ANKRD36: variants seen among roughly 807,000 people sequenced by gnomAD.
ANKRD36 encodes ankyrin repeat domain-containing protein 36A.
Under a neutral mutation model 278.1 loss-of-function variants are expected in ANKRD36, and 179 were observed. That is an observed-to-expected ratio of 0.64 (90% CI 0.57 to 0.73). The LOEUF is 0.73. ANKRD36 is among the 30% of genes least tolerant of loss of function. The probability of loss-of-function intolerance (pLI) is 0.00; values close to 1 mark genes in which losing one functional copy is unlikely to be tolerated. For missense variants in ANKRD36, 1,159 were observed against 1,956.7 expected (o/e 0.59, Z 7.69); for synonymous variants, 320 against 641.1 (o/e 0.50, Z 7.57).
At chr2:97,202,473 G>A in intron 48 of ANKRD36, 80 bp downstream of exon 48, 3 of 1,523,074 alleles carry the variant, frequency 2.0e-6, no homozygotes, top group Non-Finnish European at 2.6e-6. Flanking sequence ...TCAGCGGGGG[G>A]CTCGTCGAAG....
At chr2:97,232,257 A>T (rs1331526751) in intron 67 of ANKRD36, among the ~76,000 whole-genome samples, 8 of 149,114 alleles carry the variant, frequency 5.4e-5, no homozygotes, top group Non-Finnish European at 1.2e-4. Flanking sequence ...AAACTAGCAA[A>T]TTTATCTTCC....
At position 97,207,747 on chromosome 2, in the gene ANKRD36, TGAATGTATG is replaced by T. The variant is rs2063266541; in HGVS notation, c.3164-61_3164-53del. ...GACAGAGGTTGATGCTAACACTGTA[TGAATGTATG>T]GATAATTTTGTCATTTTTACACATG... On this transcript the variant is annotated intron_variant, in intron 52 of 75. Transcript: ENST00000420699. The T allele has an allele frequency of 7.2e-6, 11 of 1,536,138 alleles. 1 individual carries two copies. In the East Asian group the frequency reaches 2.7e-4, roughly 38 times the overall value.
At chr2:97,124,425 C>T (rs200315621) in intron 4 of ANKRD36, 35 bp from the exon 5 acceptor site, 2 of 1,534,018 alleles carry the variant, frequency 1.3e-6, no homozygotes, top group Non-Finnish European at 1.8e-6. Flanking sequence ...TTTAAAATGT[C>T]ATTAAAGTTT....
intron 28 of ANKRD36, among the ~76,000 whole-genome samples, 154 bp downstream of exon 28, chr2:97,183,808 A>G (rs1454166845): frequency 6.6e-6 from 1 of 151,706 alleles, no homozygotes; most frequent in Non-Finnish European, 1.5e-5. Flanking sequence ...GGTGGTGCTG[A>G]TGCTGCTGGT....
chr2:97,186,432 T>C (rs1281164010), intron 30 of ANKRD36, among the ~76,000 whole-genome samples: 1 of 150,640 alleles, frequency 6.6e-6, no homozygotes, highest in Non-Finnish European at 1.5e-5. Flanking sequence ...ATATAAAAGC[T>C]TATTAATATC....
chr2:97,212,911 T>C (rs2065048249), intron 58 of ANKRD36: 1 of 245,100 alleles, frequency 4.1e-6, no homozygotes, highest in Non-Finnish European at 7.7e-6. Flanking sequence ...TTAGGACACT[T>C]CCACTGAAGA....
chr2:97,163,522 A>T (rs1199908906), intron 18 of ANKRD36: 1 of 286,330 alleles, frequency 3.5e-6, no homozygotes, highest in Non-Finnish European at 6.8e-6. Flanking sequence ...CTCCAAGTAG[A>T]TATCTAAAGT....
chr2:97,113,731 C>T lies in ANKRD36; in HGVS notation c.-9C>T. 2 of 1,611,360 alleles carry T rather than the reference C, an allele frequency of 1.2e-6. No individual in the cohort carries two copies. The highest frequency in any genetic ancestry group is 1.7e-6 in the Non-Finnish European group (2 of 1,179,652). On this transcript the variant is annotated 5_prime_UTR_variant, in exon 1 of 76. Coordinates refer to ENST00000420699, the MANE Select transcript of ANKRD36 (RefSeq NM_001354587.1). ...TACGGCTGCAGGCTACAATTTGCAG[C>T]CGACGATTATGGAAGACGGCAAGCG...
Position 97,207,942 on chromosome 2 carries a change from T to C in ANKRD36, c.3201T>C (p.Ser1067=). ...SEKPSGLKAT[S]AEKDSVLNIA... is the part of the protein sequence containing the mutation. ...TTTGAAATTCCATTCAGGCTACAAG[T>C]GCCGAGAAAGATTCTGTTTTGAATA... Residue 1067 remains serine (S), a synonymous_variant, in exon 54 of 76, where the codon AGT becomes AGC. Coordinates refer to ENST00000420699, the MANE Select transcript of ANKRD36 (RefSeq NM_001354587.1). 6.5e-7 allele frequency: 1 copy of C among 1,529,634 alleles called. No homozygotes were observed. Among genetic ancestry groups the C allele is most frequent in the Non-Finnish European group, 8.8e-7 (1 of 1,135,644 alleles). 94.8% of individuals were successfully genotyped at this position (1,529,634 alleles called of 1,614,324 possible). A position where few individuals can be genotyped will look rare whatever the true frequency, so the allele number is the denominator to read the frequency against.
At chr2:97,197,182 G>A (rs1250911616) in intron 42 of ANKRD36, among the ~76,000 whole-genome samples, 13 of 151,980 alleles carry the variant, frequency 8.6e-5, no homozygotes, top group African/African-American at 3.1e-4. Context: ...GTAATAACCC[G>A]TACACACTGT....
At chr2:97,260,347 GATATATATATATATAT>G (rs71218080) in intron 75 of ANKRD36, among the ~76,000 whole-genome samples, 7 of 117,648 alleles carry the variant, frequency 5.9e-5, no homozygotes, top group Non-Finnish European at 1.2e-4. Flanking sequence ...TATTTTAAAA[GATATATATATATATAT>G]ATATATATAT....
At chr2:97,172,039 C>G (rs533426954) in intron 22 of ANKRD36, among the ~76,000 whole-genome samples, 2 of 152,072 alleles carry the variant, frequency 1.3e-5, no homozygotes, top group African/African-American at 2.4e-5. Context: ...TAGACACAGC[C>G]TTTTAAGACG....
At chr2:97,215,899 G>T (rs1261636609) in intron 62 of ANKRD36, 43 of 473,582 alleles carry the variant, frequency 9.1e-5, no homozygotes, top group African/African-American at 7.5e-4. Flanking sequence ...CTCAAAAACA[G>T]CATAGAATGA....
chr2:97,174,166 T>A (rs557383265), intron 22 of ANKRD36, among the ~76,000 whole-genome samples: 1 of 151,842 alleles, frequency 6.6e-6, no homozygotes, highest in South Asian at 2.1e-4. Flanking sequence ...CATTGATGTG[T>A]ATGTTTTTGC....
chr2:97,123,072 A>G, intron 4 of ANKRD36, 79 bp downstream of exon 4: 2 of 1,154,116 alleles, frequency 1.7e-6, no homozygotes, highest in Admixed American at 6.0e-5. Context: ...CAAGTCACAA[A>G]TATTACATTA....
chr2:97,191,252 T>C (rs1575575524), intron 36 of ANKRD36, 71 bp downstream of exon 36: 1 of 1,453,968 alleles, frequency 6.9e-7, no homozygotes, highest in East Asian at 2.5e-5. Flanking sequence ...CCTGAATGAA[T>C]TGGCCTGGGG....
rs1449076217 is a variant in ANKRD36, at chr2:97,196,534, G to A, written c.2552-59G>A. 214 of 1,598,716 alleles carry A rather than the reference G, an allele frequency of 1.3e-4. 4 individuals carry two copies. Among genetic ancestry groups the A allele is most frequent in the South Asian group, 9.7e-4 (87 of 89,234 alleles). ...AGGTTGATGCTAACTCTGCTTGAATGTATGGATATCTTTGTCATATTTATG... is the reference window on the plus strand; with the variant it reads ...AGGTTGATGCTAACTCTGCTTGAATATATGGATATCTTTGTCATATTTATG... On this transcript the variant is annotated intron_variant, in intron 40 of 75. Transcript: ENST00000420699.
chr2:97,187,150 T>C lies in ANKRD36; in HGVS notation c.2042-48T>C, dbSNP rs1352940550. 6 of 1,606,696 alleles carry C rather than the reference T, an allele frequency of 3.7e-6. No individual in the cohort carries two copies. The East Asian group carries it at 9.0e-5, about 24-fold the overall frequency. On this transcript the variant is annotated intron_variant, in intron 30 of 75. Coordinates refer to ENST00000420699, the MANE Select transcript of ANKRD36 (RefSeq NM_001354587.1). ...TAACACCGCATGAATGTATGGAAAA[T>C]GTATCATATTTACATATGAGTGATT... is the stretch of plus-strand genomic sequence containing the variant.
At position 97,228,547 on chromosome 2, in the gene ANKRD36, C is replaced by A. The variant is rs2070750383; in HGVS notation, c.3951+3668C>A. On this transcript the variant is annotated intron_variant, in intron 67 of 75. Coordinates refer to ENST00000420699, the MANE Select transcript of ANKRD36 (RefSeq NM_001354587.1). ...TCTCTTTTCTTCTTTTTTAGTCTTG[C>A]TAGCTGTCTATCAATTTTGTTGATC... 2.6e-5 allele frequency among the ~76,000 whole-genome samples: 4 copies of A among 152,130 alleles called. No individual in the cohort carries two copies. In the East Asian group the frequency reaches 7.8e-4, roughly 30 times the overall value.
Sources: gnomAD v4.1 joint callset for allele counts (sites outside exome capture counted in the v4.1 genomes callset) on GRCh38, gnomAD v4.1.1 for gene constraint, MANE v1.5 for transcripts, NCBI Gene and HGNC (gene_info 2026-07-23, HGNC 2026-07-21) for gene names.